BORCS5: variants seen among roughly 807,000 people sequenced by gnomAD.
The protein encoded by BORCS5 is BLOC-1-related complex subunit 5.
Under a neutral mutation model 22.1 loss-of-function variants are expected in BORCS5, and 17 were observed. The ratio of observed to expected loss-of-function variants is 0.77; its 90% CI spans 0.53 to 1.15. The LOEUF is 1.15. Among genes scored for constraint, BORCS5 ranks in the 50% most tolerant of loss-of-function variants. BORCS5 has a pLI of 0.00. For synonymous variants in BORCS5, 117 were observed against 99.8 expected, an observed-to-expected ratio of 1.17 and a Z score of -1.03; for missense variants, 247 against 253.2, an observed-to-expected ratio of 0.98 and a Z score of 0.17.
intron 3 of BORCS5, among the ~76,000 whole-genome samples, chr12:12,455,631 T>C (rs1297743474): frequency 6.6e-6 from 1 of 151,974 alleles, no homozygotes; most frequent in Non-Finnish European, 1.5e-5. Context: ...ATATAAAAAT[T>C]AGCCAGGCGT....
chr12:12,405,354 G>C (rs1449772930), intron 2 of BORCS5, among the ~76,000 whole-genome samples: 1 of 152,162 alleles, frequency 6.6e-6, no homozygotes, highest in African/African-American at 2.4e-5. Context: ...TTTAAGAATT[G>C]GTGACTCTAG....
At position 12,437,920 on chromosome 12, in the gene BORCS5, C is replaced by T. The variant is rs549536991; in HGVS notation, c.360+2135C>T. ...TTAGGACTACAGGTGTATGCCATCACGCCTGGCTATGTTGCCTAGGATGTT... is the reference window on the plus strand; with the variant it reads ...TTAGGACTACAGGTGTATGCCATCATGCCTGGCTATGTTGCCTAGGATGTT... On this transcript the variant is annotated intron_variant, in intron 3 of 3. Transcript: ENST00000314565. Among the ~76,000 whole-genome samples, 6 of 152,188 alleles carry T rather than the reference C, an allele frequency of 3.9e-5. No homozygotes were observed. In the South Asian group the frequency reaches 6.2e-4, roughly 16 times the overall value.
chr12:12,463,968 G>T (rs1184156275), intron 3 of BORCS5, among the ~76,000 whole-genome samples: 4 of 152,166 alleles, frequency 2.6e-5, no homozygotes, highest in Non-Finnish European at 5.9e-5. Context: ...GCCCGAGAAG[G>T]TTCCCAATTC....
chr12:12,429,182 G>T (rs1183217379), intron 2 of BORCS5, among the ~76,000 whole-genome samples: 1 of 152,214 alleles, frequency 6.6e-6, no homozygotes, highest in Non-Finnish European at 1.5e-5. Context: ...CTGGAAGTTT[G>T]TGGTCTCCTA....
chr12:12,388,080 G>A (rs368336734), intron 2 of BORCS5, among the ~76,000 whole-genome samples: 1 of 151,344 alleles, frequency 6.6e-6, no homozygotes, highest in Non-Finnish European at 1.5e-5. Context: ...CGATTAGTGA[G>A]AACTAACATT....
At chr12:12,454,215 T>C (rs1301922760) in intron 3 of BORCS5, among the ~76,000 whole-genome samples, 2 of 152,240 alleles carry the variant, frequency 1.3e-5, no homozygotes, top group Non-Finnish European at 2.9e-5. Context: ...AATTGCTGGC[T>C]GTATAGTAAC....
At chr12:12,363,314 A>T (rs946325009) in intron 2 of BORCS5, among the ~76,000 whole-genome samples, 4 of 151,258 alleles carry the variant, frequency 2.6e-5, no homozygotes, top group Non-Finnish European at 4.4e-5. Context: ...AAAAAAAAAA[A>T]GCCGGCCAGG....
At chr12:12,388,973 T>TAC (rs1863941386) in intron 2 of BORCS5, among the ~76,000 whole-genome samples, 1 of 151,080 alleles carries the variant, frequency 6.6e-6, no homozygotes, top group Non-Finnish European at 1.5e-5. Flanking sequence ...GGCCTCATTT[T>TAC]TATCCCTACT....
At chr12:12,453,151 G>C (rs1206250937) in intron 3 of BORCS5, among the ~76,000 whole-genome samples, 1 of 152,194 alleles carries the variant, frequency 6.6e-6, no homozygotes, top group East Asian at 1.9e-4. Flanking sequence ...ATTTTAATTA[G>C]CATGACTATA....
chr12:12,374,390 T>G (rs1296604192), intron 2 of BORCS5, among the ~76,000 whole-genome samples: 2 of 151,374 alleles, frequency 1.3e-5, no homozygotes, highest in African/African-American at 4.9e-5. Context: ...TCCAGCACTT[T>G]GGGAGGCCGA....
intron 3 of BORCS5, among the ~76,000 whole-genome samples, chr12:12,453,373 G>T (rs1356095451): frequency 2.0e-5 from 3 of 152,296 alleles, no homozygotes; most frequent in Admixed American, 2.0e-4. Context: ...AGGATCTTAT[G>T]AACACAGCTT....
At chr12:12,373,677 T>C (rs966135263) in intron 2 of BORCS5, among the ~76,000 whole-genome samples, 6 of 152,194 alleles carry the variant, frequency 3.9e-5, no homozygotes, top group African/African-American at 4.8e-5. Context: ...CTGCAACATA[T>C]TGATAAGCAC....
At chr12:12,442,102 C>T (rs1398542032) in intron 3 of BORCS5, among the ~76,000 whole-genome samples, 1 of 152,120 alleles carries the variant, frequency 6.6e-6, no homozygotes, top group South Asian at 2.1e-4. Context: ...TCCCTGGGGG[C>T]GAGGGATGAG....
intron 2 of BORCS5, among the ~76,000 whole-genome samples, chr12:12,384,924 T>TTGCTTATATCTTTACATC (rs1323648223): frequency 6.6e-6 from 1 of 151,184 alleles, no homozygotes; most frequent in African/African-American, 2.4e-5. Context: ...CTTTTTAAAC[T>TTGCTTATATCTTTACATC]TGCTTATATC....
chr12:12,367,326 A>T (rs1863426517), intron 2 of BORCS5, among the ~76,000 whole-genome samples: 1 of 152,242 alleles, frequency 6.6e-6, no homozygotes, highest in South Asian at 2.1e-4. Flanking sequence ...AGACCTTATC[A>T]TTGCATTGGA....
chr12:12,372,194 C>T (rs1303891198), intron 2 of BORCS5, among the ~76,000 whole-genome samples: 3 of 152,186 alleles, frequency 2.0e-5, no homozygotes, highest in Admixed American at 1.3e-4. Flanking sequence ...CACCCGCCAC[C>T]ATGCCCAGCT....
chr12:12,456,828 G>A (rs1943005743), intron 3 of BORCS5, among the ~76,000 whole-genome samples: 1 of 117,518 alleles, frequency 8.5e-6, no homozygotes. Context: ...ATTTTCAGTA[G>A]CAGAAGTACA....
At chr12:12,412,924 T>TG in intron 2 of BORCS5, among the ~76,000 whole-genome samples, 1 of 122,188 alleles carries the variant, frequency 8.2e-6, no homozygotes. Flanking sequence ...TTTTTTTTTT[T>TG]TATTGATAAT....
intron 3 of BORCS5, among the ~76,000 whole-genome samples, chr12:12,443,859 C>A (rs1400533824): frequency 1.3e-5 from 2 of 152,206 alleles, no homozygotes; most frequent in Admixed American, 6.5e-5. Context: ...TCTTCTCCCT[C>A]CCCTGCTCAT....
Sources: gnomAD v4.1 joint callset for allele counts (sites outside exome capture counted in the v4.1 genomes callset) on GRCh38, gnomAD v4.1.1 for gene constraint, MANE v1.5 for transcripts, NCBI Gene and HGNC (gene_info 2026-07-23, HGNC 2026-07-21) for gene names.